The following XIRP2 variants were observed in gnomAD, a reference collection of about 807,000 sequenced individuals.
The protein encoded by XIRP2 is xin actin binding repeat containing 2.
A neutral mutation model predicts 277.0 loss-of-function variants in XIRP2; 236 were observed. The observed-to-expected ratio is 0.85, with a 90% CI of 0.77 to 0.95. The LOEUF (loss-of-function observed/expected upper bound fraction) is 0.95. XIRP2 is among the 40% of genes least tolerant of loss of function. The pLI is 0.00. For synonymous variants in XIRP2, 1,490 were observed against 1,416.5 expected, an observed-to-expected ratio of 1.05 and a Z score of -1.17; for missense variants, 4,640 against 4,157.5, an observed-to-expected ratio of 1.12 and a Z score of -3.19.
intron 2 of XIRP2, among the ~76,000 whole-genome samples, chr2:167,097,835 GGGTTGAAAATTAT>G (rs1440916844): frequency 8.5e-5 from 13 of 152,128 alleles, no homozygotes. Flanking sequence ...ATGAAATTCT[GGGTTGAAAATTAT>G]TTTCTTTAAT....
chr2:167,032,425 C>G (rs183482208), intron 2 of XIRP2, among the ~76,000 whole-genome samples: 61 of 152,172 alleles, frequency 4.0e-4, no homozygotes, highest in African/African-American at 1.4e-3. Context: ...AAAGCAACTG[C>G]AGAAAAAGCC....
At chr2:167,067,154 A>T (rs1689321462) in intron 2 of XIRP2, among the ~76,000 whole-genome samples, 1 of 151,960 alleles carries the variant, frequency 6.6e-6, no homozygotes, top group Non-Finnish European at 1.5e-5. Flanking sequence ...TCCTTTCCCG[A>T]GACTTCAATT....
At chr2:167,226,126 C>T (rs1694592683) in intron 5 of XIRP2, among the ~76,000 whole-genome samples, 1 of 152,170 alleles carries the variant, frequency 6.6e-6, no homozygotes, top group African/African-American at 2.4e-5. Flanking sequence ...TTCGGTTTTC[C>T]TTTCAATTCT....
chr2:167,231,318 C>T (rs1053360888), intron 5 of XIRP2, among the ~76,000 whole-genome samples: 4 of 151,860 alleles, frequency 2.6e-5, no homozygotes, highest in African/African-American at 9.7e-5. Context: ...TTTATGATAC[C>T]CTTAACAGGA....
intron 2 of XIRP2, among the ~76,000 whole-genome samples, chr2:167,019,251 A>T (rs1330222367): frequency 6.6e-6 from 1 of 152,042 alleles, no homozygotes; most frequent in African/African-American, 2.4e-5. Flanking sequence ...CCCTGCTGTT[A>T]TAAAAATCTA....
At chr2:167,241,655 G>T in intron 7 of XIRP2, 122 bp from the exon 8 acceptor site, 1 of 1,130,626 alleles carries the variant, frequency 8.8e-7, no homozygotes, top group Non-Finnish European at 1.2e-6. Flanking sequence ...AGTAATCTTC[G>T]CACCTCAGTC....
intron 2 of XIRP2, among the ~76,000 whole-genome samples, chr2:167,044,038 C>G (rs982824587): frequency 3.9e-5 from 6 of 152,090 alleles, no homozygotes; most frequent in African/African-American, 1.4e-4. Context: ...AAAGTACTAG[C>G]AAATTAAATT....
Position 167,254,113 on chromosome 2 carries a change from C to A in XIRP2, c.10637C>A (p.Ala3546Glu). 1 of 1,610,700 alleles carries A rather than the reference C, an allele frequency of 6.2e-7. No individual in the cohort carries two copies. The highest frequency in any genetic ancestry group is 8.5e-7 in the Non-Finnish European group (1 of 1,178,156). ...LSNGVPSGRQ[A>E]EFS The stretch of plus-strand genomic sequence containing the variant: ...AATGGAGTGCCTAGTGGCAGACAAG[C>A]AGAATTTTCATAAGTCCTGCTTCCG... Residue 3546 changes from alanine to glutamate, a missense_variant, in exon 10 of 11, where the codon GCA becomes GAA. Ala to Glu is a moderately radical substitution (Grantham distance 107). Transcript: ENST00000409195.
At chr2:166,960,789 A>G (rs867006830) in intron 2 of XIRP2, among the ~76,000 whole-genome samples, 5 of 151,846 alleles carry the variant, frequency 3.3e-5, no homozygotes, top group Middle Eastern at 3.4e-3. Flanking sequence ...GGAACTCTTT[A>G]TAAGGATTTT....
At chr2:167,025,209 C>G (rs988862215) in intron 2 of XIRP2, among the ~76,000 whole-genome samples, 15 of 152,112 alleles carry the variant, frequency 9.9e-5, no homozygotes, top group Admixed American at 9.8e-4. Context: ...AGGAATTTAT[C>G]CATTTCTTCT....
Position 167,258,211 on chromosome 2 carries a change from G to A in XIRP2, c.*394G>A. On this transcript the variant is annotated 3_prime_UTR_variant, in exon 11 of 11. Coordinates refer to ENST00000409195, the MANE Select transcript of XIRP2 (RefSeq NM_152381.6). Reference sequence around the variant, plus strand: ...AGAAAACCTTACCCTTTGAGGAAGAGCTCAAAATGAGTAAACCTAAGTGGC... The same window carrying A: ...AGAAAACCTTACCCTTTGAGGAAGAACTCAAAATGAGTAAACCTAAGTGGC... 1 of 1,613,062 alleles carries A rather than the reference G, an allele frequency of 6.2e-7. No individual in the cohort carries two copies. Among genetic ancestry groups the A allele is most frequent in the Non-Finnish European group, 8.5e-7 (1 of 1,179,550 alleles).
intron 2 of XIRP2, among the ~76,000 whole-genome samples, chr2:167,039,740 G>C (rs1688612272): frequency 6.6e-6 from 1 of 152,142 alleles, no homozygotes; most frequent in Non-Finnish European, 1.5e-5. Flanking sequence ...GGTAAAAAAG[G>C]AAAAATATTT....
In XIRP2 at chr2:167,196,150, C is replaced by T. The variant is rs184189888; in HGVS notation, c.563-14585C>T. 7.0e-3 allele frequency among the ~76,000 whole-genome samples: 1,063 copies of T among 152,118 alleles called. 17 individuals are homozygous for T. Among genetic ancestry groups the T allele is most frequent in the African/African-American group, 0.024 (1,002 of 41,496 alleles). On this transcript the variant is annotated intron_variant, in intron 3 of 10. Transcript: ENST00000409195. ...TTATTATTATACATTTGTCATTTTT[C>T]CTGAAAATCCCAAATGTTCTCTATG...
chr2:166,975,257 CAAG>C (rs1686680479), intron 2 of XIRP2, among the ~76,000 whole-genome samples: 1 of 152,066 alleles, frequency 6.6e-6, no homozygotes, highest in Non-Finnish European at 1.5e-5. Context: ...AAAAATCAGT[CAAG>C]AATCAAAAAG....
chr2:167,250,020 C>A lies in XIRP2; in HGVS notation c.8628C>A (p.Thr2876=). Residue 2876 remains threonine (T), a synonymous_variant, in exon 9 of 11, where the codon ACC becomes ACA. Coordinates refer to ENST00000409195, the MANE Select transcript of XIRP2 (RefSeq NM_152381.6). The part of the protein sequence containing the change: ...TQNFQQTQIQ[T]AESKAEHKKL... ...ATTTTCAGCAAACACAAATACAGAC[C>A]GCTGAAAGTAAAGCTGAACATAAAA... 1 of 1,613,512 alleles carries A rather than the reference C, an allele frequency of 6.2e-7. No individual in the cohort carries two copies. Among genetic ancestry groups the A allele is most frequent in the Non-Finnish European group, 8.5e-7 (1 of 1,179,696 alleles).
In XIRP2 at chr2:167,212,920, C is replaced by CAT. The variant is rs1365269191; in HGVS notation, c.723+2026_723+2027insTA. Among the ~76,000 whole-genome samples the CAT allele has an allele frequency of 2.4e-5, 3 of 127,142 alleles. No homozygotes were observed. The East Asian group carries it at 8.3e-4, about 35-fold the overall frequency. The allele number at this position is 127,142 out of a possible 152,430, so 83.4% of individuals were successfully genotyped here. ...CCACCCCCCCACCCCTCTGCACACA[C>CAT]ACACACACACACCAAAAAAAATCAT... On this transcript the variant is annotated intron_variant, in intron 4 of 10. Coordinates refer to ENST00000409195, the MANE Select transcript of XIRP2 (RefSeq NM_152381.6).
chr2:167,122,112 C>A (rs945754626), intron 2 of XIRP2, among the ~76,000 whole-genome samples: 1 of 152,114 alleles, frequency 6.6e-6, no homozygotes, highest in Non-Finnish European at 1.5e-5. Flanking sequence ...ATCAGTTAAT[C>A]TAAAGAAATT....
chr2:167,208,462 C>A (rs1270258421), intron 3 of XIRP2, among the ~76,000 whole-genome samples: 1 of 152,176 alleles, frequency 6.6e-6, no homozygotes, highest in Non-Finnish European at 1.5e-5. Context: ...CGCCCGCCAC[C>A]ATGCCTGGCT....
At chr2:167,029,517 T>C (rs1688269185) in intron 2 of XIRP2, among the ~76,000 whole-genome samples, 1 of 152,140 alleles carries the variant, frequency 6.6e-6, no homozygotes, top group African/African-American at 2.4e-5. Context: ...TTTATAGATT[T>C]TCATATGTTG....
Sources: allele counts gnomAD v4.1 joint callset (sites outside exome capture counted in the v4.1 genomes callset), GRCh38; gene constraint gnomAD v4.1.1; transcripts MANE v1.5; gene names NCBI Gene and HGNC (gene_info 2026-07-23, HGNC 2026-07-21).